CPS1: variants seen among roughly 807,000 people sequenced by gnomAD.
The protein encoded by CPS1 is carbamoyl-phosphate synthase [ammonia], mitochondrial.
Under a neutral mutation model 174.6 loss-of-function variants are expected in CPS1, and 109 were observed. The observed-to-expected ratio is 0.62, with a 90% CI of 0.53 to 0.73. The LOEUF (loss-of-function observed/expected upper bound fraction) is 0.73, where lower values mean the gene tolerates loss of function less well. Ranked by LOEUF, CPS1 falls within the 30% of genes least tolerant of loss-of-function variation. The pLI is 0.00. For missense variants in CPS1, 1,689 were observed against 1,821.9 expected (o/e 0.93, Z 1.33); for synonymous variants, 637 against 632.0 (o/e 1.01, Z -0.12).
At chr2:210,517,903 C>T (rs1274016128) in intron 1 of CPS1, among the ~76,000 whole-genome samples, 2 of 151,954 alleles carry the variant, frequency 1.3e-5, no homozygotes, top group African/African-American at 4.8e-5. Context: ...TAACTGTTAG[C>T]CACCGTTTCT....
At chr2:210,564,414 C>T (rs1574528980) in intron 1 of CPS1, among the ~76,000 whole-genome samples, 2 of 151,274 alleles carry the variant, frequency 1.3e-5, no homozygotes, top group East Asian at 2.0e-4. Context: ...CTCGCTCTGT[C>T]GCCCAGGCTG....
At chr2:210,543,524 T>C (rs567322450) in intron 1 of CPS1, among the ~76,000 whole-genome samples, 2 of 152,234 alleles carry the variant, frequency 1.3e-5, no homozygotes, top group East Asian at 1.9e-4. Flanking sequence ...ATCATTCACA[T>C]CTCAGTTTCC....
rs1383721941 is a variant in CPS1, at chr2:210,515,134, C to G, written c.3+37368C>G. On this transcript the variant is annotated intron_variant, in intron 1 of 38. Coordinates refer to the CPS1 transcript ENST00000430249. ...TGAAGATTTTTGTGTCTATGTTGAT[C>G]AGGAATATTGGCCTGCATTTTGTTT... Among the ~76,000 whole-genome samples the G allele has an allele frequency of 2.0e-4, 31 of 151,588 alleles. No homozygotes were observed. The Admixed American group carries it at 2.0e-3, about 10-fold the overall frequency.
intron 1 of CPS1, among the ~76,000 whole-genome samples, chr2:210,570,791 A>G (rs1473461424): frequency 2.0e-5 from 3 of 151,846 alleles, no homozygotes; most frequent in East Asian, 3.9e-4. Flanking sequence ...TCGATGGCAA[A>G]TTTTCATTAC....
intron 1 of CPS1, among the ~76,000 whole-genome samples, chr2:210,537,068 A>T (rs1335043946): frequency 6.6e-6 from 1 of 152,188 alleles, no homozygotes; most frequent in African/African-American, 2.4e-5. Flanking sequence ...GATGCATTTA[A>T]ATAGGAATTT....
At chr2:210,520,451 T>C (rs917945478) in intron 1 of CPS1, among the ~76,000 whole-genome samples, 7 of 152,016 alleles carry the variant, frequency 4.6e-5, no homozygotes, top group African/African-American at 1.4e-4. Context: ...GTCCTAGTGC[T>C]CTCCCTCCCC....
intron 1 of CPS1, among the ~76,000 whole-genome samples, chr2:210,560,460 T>C (rs980704498): frequency 5.3e-5 from 8 of 152,156 alleles, no homozygotes; most frequent in Non-Finnish European, 1.2e-4. Context: ...AAGTTCCCTA[T>C]GAATAGAAAA....
At chr2:210,630,254 TAA>T (rs1699827257) in intron 21 of CPS1, among the ~76,000 whole-genome samples, 1 of 152,132 alleles carries the variant, frequency 6.6e-6, no homozygotes, top group Admixed American at 6.5e-5. Flanking sequence ...TTTACCAGAT[TAA>T]GAGTAATATC....
intron 32 of CPS1, among the ~76,000 whole-genome samples, chr2:210,660,886 T>C (rs1285922077): frequency 1.3e-5 from 2 of 152,204 alleles, no homozygotes; most frequent in East Asian, 3.9e-4. Flanking sequence ...AACTTCAAAA[T>C]CAATTAGCTG....
intron 1 of CPS1, among the ~76,000 whole-genome samples, chr2:210,543,920 C>T (rs945333397): frequency 2.0e-5 from 3 of 152,028 alleles, no homozygotes; most frequent in African/African-American, 7.2e-5. Context: ...TATTCCTTAA[C>T]AATTCTCCTA....
Position 210,612,350 on chromosome 2 carries a change from C to T in CPS1, c.2568+57C>T, listed in dbSNP as rs923149345. The T allele has an allele frequency of 7.6e-6, 12 of 1,585,238 alleles. No homozygotes were observed. In the Admixed American group the frequency reaches 1.8e-4, roughly 24 times the overall value. The stretch of plus-strand genomic sequence containing the variant: ...GTTGCTTTTCCAGAATGTAGTCAGT[C>T]TGGACATTAAAATAAAACTGAATCA... On this transcript the variant is annotated intron_variant, in intron 20 of 37. Coordinates refer to ENST00000233072, the MANE Select transcript of CPS1 (RefSeq NM_001875.5).
At chr2:210,620,604 G>T (rs537991710) in intron 21 of CPS1, among the ~76,000 whole-genome samples, 24 of 152,148 alleles carry the variant, frequency 1.6e-4, no homozygotes, top group African/African-American at 5.5e-4. Flanking sequence ...TTACAATCAT[G>T]GCGGAAGGCA....
At chr2:210,668,615 C>T (rs1218054112) in intron 34 of CPS1, among the ~76,000 whole-genome samples, 1 of 152,122 alleles carries the variant, frequency 6.6e-6, no homozygotes, top group Admixed American at 6.6e-5. Context: ...AGCTCTCCAT[C>T]CTTAGTTCCT....
In CPS1 at chr2:210,570,996, T is replaced by C. The variant is rs114100611; in HGVS notation, c.127-2302T>C. 6.3e-3 allele frequency among the ~76,000 whole-genome samples: 957 copies of C among 152,044 alleles called. 15 individuals are homozygous for C. Among genetic ancestry groups the C allele is most frequent in the African/African-American group, 0.021 (874 of 41,532 alleles). Reference sequence around the variant, plus strand: ...TCTTGAATTGTAATTAGACAAAAACTAGCAAATTAAAACAAAATTTAGAAT... The same window carrying C: ...TCTTGAATTGTAATTAGACAAAAACCAGCAAATTAAAACAAAATTTAGAAT... On this transcript the variant is annotated intron_variant, in intron 1 of 37. Coordinates refer to ENST00000233072, the MANE Select transcript of CPS1 (RefSeq NM_001875.5).
At chr2:210,497,122 A>C (rs977448856) in intron 1 of CPS1, among the ~76,000 whole-genome samples, 7 of 152,114 alleles carry the variant, frequency 4.6e-5, no homozygotes, top group African/African-American at 1.7e-4. Context: ...TCCAGATTTC[A>C]TCTTACTATT....
chr2:210,525,838 A>G (rs1695959129), intron 1 of CPS1, among the ~76,000 whole-genome samples: 1 of 151,530 alleles, frequency 6.6e-6, no homozygotes, highest in Admixed American at 6.6e-5. Context: ...GGAGAGAGAA[A>G]GAGAGGAGGA....
intron 6 of CPS1, 37 bp from the exon 7 acceptor site, chr2:210,588,021 G>A (rs369210668): frequency 8.2e-6 from 13 of 1,591,100 alleles, no homozygotes; most frequent in Non-Finnish European, 1.1e-5. Flanking sequence ...CCCATAGCTG[G>A]GACTTCCCTC....
At chr2:210,510,063 C>T (rs1225308904) in intron 1 of CPS1, among the ~76,000 whole-genome samples, 7 of 152,086 alleles carry the variant, frequency 4.6e-5, no homozygotes, top group East Asian at 3.9e-4. Context: ...GAGCCCGCAT[C>T]GCCAAGTCAA....
In CPS1 at chr2:210,514,425, AT is replaced by A. The variant is rs752583834; in HGVS notation, c.3+36668del. Among the ~76,000 whole-genome samples, 18 of 150,486 alleles carry A rather than the reference AT, an allele frequency of 1.2e-4. No homozygotes were observed. The East Asian group carries it at 2.3e-3, about 20-fold the overall frequency. ...TCCTTAGGTAGATGTATTCCTAGGT[AT>A]TTTTTTTTGTAGCTATTGTAAATGA... is the stretch of plus-strand genomic sequence containing the variant. On this transcript the variant is annotated intron_variant, in intron 1 of 38. Transcript: ENST00000430249.
Sources: gnomAD v4.1 joint callset for allele counts (sites outside exome capture counted in the v4.1 genomes callset) on GRCh38, gnomAD v4.1.1 for gene constraint, MANE v1.5 for transcripts, NCBI Gene and HGNC (gene_info 2026-07-23, HGNC 2026-07-21) for gene names.